GSTA5: variants seen among roughly 807,000 people sequenced by gnomAD.
The protein encoded by GSTA5 is glutathione S-transferase A5.
A neutral mutation model predicts 21.8 loss-of-function variants in GSTA5; 25 were observed. The observed-to-expected ratio is 1.14, with a 90% CI of 0.83 to 1.60. GSTA5 has a LOEUF of 1.60. Ranked by LOEUF, GSTA5 falls within the 40% of genes most tolerant of loss-of-function variation. GSTA5 has a pLI of 0.00. For missense variants in GSTA5, 330 were observed against 259.2 expected, an observed-to-expected ratio of 1.27 and a Z score of -1.88; for synonymous variants, 102 against 89.5, an observed-to-expected ratio of 1.14 and a Z score of -0.78.
At chr6:52,831,777 G>A (rs4331985) in exon 6 of GSTA5, 4 of 1,571,110 alleles carry the variant, frequency 2.5e-6, no homozygotes, top group Admixed American at 1.8e-5. Flanking sequence ...TCCACACTTA[G>A]GTAAAGCACT....
chr6:52,837,607 C>A, exon 2 of GSTA5: 2 of 1,604,910 alleles, frequency 1.2e-6, no homozygotes, highest in Non-Finnish European at 1.7e-6. Context: ...ATTTCTCTTC[C>A]AACTGGAAGC....
intron 1 of GSTA5, among the ~76,000 whole-genome samples, chr6:52,839,053 A>G (rs957319560): frequency 1.3e-5 from 2 of 152,150 alleles, no homozygotes; most frequent in African/African-American, 2.4e-5. Context: ...ATCACACAGG[A>G]CCAGGATCTA....
At chr6:52,833,046 T>G in intron 4 of GSTA5, 56 bp from the exon 5 acceptor site, 2 of 1,603,838 alleles carry the variant, frequency 1.2e-6, no homozygotes, top group Non-Finnish European at 1.7e-6. Context: ...CTGGGACCCC[T>G]GCTTCTTTCA....
intron 4 of GSTA5, among the ~76,000 whole-genome samples, chr6:52,833,775 C>A (rs1330507237): frequency 6.6e-6 from 1 of 152,192 alleles, no homozygotes; most frequent in African/African-American, 2.4e-5. Context: ...TCTGATGGAT[C>A]ACTTTCATCA....
intron 2 of GSTA5, 35 bp from the exon 3 acceptor site, chr6:52,836,403 T>A (rs1179062064): frequency 1.2e-6 from 2 of 1,601,892 alleles, no homozygotes; most frequent in African/African-American, 2.7e-5. Context: ...GTATGAAGTG[T>A]CTATGAAACC....
At chr6:52,844,311 T>A (rs1389839634), upstream of GSTA5, among the ~76,000 whole-genome samples, 1 of 152,198 alleles carries the variant, frequency 6.6e-6, no homozygotes, top group Non-Finnish European at 1.5e-5. Flanking sequence ...ATTAGCCAAC[T>A]AAATGTTGGA....
intron 2 of GSTA5, 120 bp from the exon 3 acceptor site, chr6:52,836,488 AAGTTTTC>A: frequency 9.6e-6 from 10 of 1,039,628 alleles, no homozygotes; most frequent in Non-Finnish European, 1.3e-5. Context: ...ATTGCCTGTT[AAGTTTTC>A]ACTTGAAACA....
At chr6:52,836,807 C>T (rs759849537) in intron 2 of GSTA5, among the ~76,000 whole-genome samples, 11 of 152,218 alleles carry the variant, frequency 7.2e-5, no homozygotes, top group South Asian at 4.1e-4. Flanking sequence ...CCACCATACC[C>T]GGCCCAAACA....
intron 2 of GSTA5, among the ~76,000 whole-genome samples, chr6:52,836,646 G>C (rs1764298379): frequency 6.6e-6 from 1 of 152,082 alleles, no homozygotes; most frequent in African/African-American, 2.4e-5. Flanking sequence ...TGAGTAGCTG[G>C]GATTACAGGC....
At chr6:52,845,213 T>C (rs1290438659), upstream of GSTA5, among the ~76,000 whole-genome samples, 1 of 152,138 alleles carries the variant, frequency 6.6e-6, no homozygotes, top group Admixed American at 6.5e-5. Flanking sequence ...TTCCAGTGAA[T>C]GTCCAAGCAG....
intron 1 of GSTA5, among the ~76,000 whole-genome samples, chr6:52,838,449 T>C (rs1764322796): frequency 6.6e-6 from 1 of 152,252 alleles, no homozygotes; most frequent in Non-Finnish European, 1.5e-5. Flanking sequence ...AACTGCTCGT[T>C]AAATATAAGT....
intron 3 of GSTA5, among the ~76,000 whole-genome samples, chr6:52,834,883 C>A (rs1764270910): frequency 6.6e-6 from 1 of 152,198 alleles, no homozygotes; most frequent in African/African-American, 2.4e-5. Flanking sequence ...GTGTGCCTTT[C>A]CTGAGACCCC....
At chr6:52,842,143 G>A (rs896277520), upstream of GSTA5, among the ~76,000 whole-genome samples, 1 of 152,182 alleles carries the variant, frequency 6.6e-6, no homozygotes. Context: ...ATCCCAGGCT[G>A]TTTGGGAGGT....
chr6:52,837,111 T>A (rs903758417), intron 2 of GSTA5, among the ~76,000 whole-genome samples: 4 of 152,148 alleles, frequency 2.6e-5, no homozygotes, highest in African/African-American at 9.7e-5. Context: ...CCTTTTCTGC[T>A]CTTCAAAGCC....
At chr6:52,835,842 C>T (rs1164361280) in intron 3 of GSTA5, among the ~76,000 whole-genome samples, 2 of 152,308 alleles carry the variant, frequency 1.3e-5, no homozygotes, top group East Asian at 1.9e-4. Flanking sequence ...AGCTTGTTTA[C>T]AGCCTTCCCT....
At chr6:52,839,021 C>T (rs1001114666) in intron 1 of GSTA5, among the ~76,000 whole-genome samples, 2 of 152,092 alleles carry the variant, frequency 1.3e-5, no homozygotes, top group Non-Finnish European at 2.9e-5. Context: ...CTCCATGGAA[C>T]AGAATTTGTT....
exon 6 of GSTA5, chr6:52,831,926 A>G: frequency 6.2e-7 from 1 of 1,614,002 alleles, no homozygotes; most frequent in Non-Finnish European, 8.5e-7. Context: ...CAGGCTGCAG[A>G]AACTTCTTCA....
At position 52,836,493 on chromosome 6, in the gene GSTA5, T is replaced by C. The variant is rs1764296195; in HGVS notation, c.140-125A>G. ...AAAAGAAATTATTGCCTGTTAAGTT[T>C]TCACTTGAAACAACTTTTTTCCTTG... is the stretch of plus-strand genomic sequence containing the variant. On this transcript the variant is annotated intron_variant, in intron 2 of 5. Transcript: ENST00000370989. 1.1e-5 allele frequency: 11 copies of C among 998,628 alleles called. No individual in the cohort carries two copies. In the East Asian group the frequency reaches 2.7e-4, roughly 25 times the overall value. 61.9% of individuals were successfully genotyped at this position (998,628 alleles called of 1,614,324 possible). A position where few individuals can be genotyped will look rare whatever the true frequency, so the allele number is the denominator to read the frequency against.
upstream of GSTA5, among the ~76,000 whole-genome samples, chr6:52,845,432 C>T (rs530223392): frequency 3.3e-5 from 5 of 152,176 alleles, no homozygotes; most frequent in Non-Finnish European, 5.9e-5. Flanking sequence ...TAGAGTGGGC[C>T]GGACAGATCT....
Sources: allele counts gnomAD v4.1 joint callset (sites outside exome capture counted in the v4.1 genomes callset), GRCh38; gene constraint gnomAD v4.1.1; transcripts MANE v1.5; gene names NCBI Gene and HGNC (gene_info 2026-07-23, HGNC 2026-07-21).